Variants in EPS15 observed in about 807,000 individuals in gnomAD.
The protein encoded by EPS15 is epidermal growth factor receptor pathway substrate 15, also known as epidermal growth factor receptor substrate 15.
In EPS15, 72 loss-of-function variants were observed where a neutral mutation model predicts 113.8. That is an observed-to-expected ratio of 0.63 (90% CI 0.52 to 0.77). The LOEUF (loss-of-function observed/expected upper bound fraction) is 0.77, where lower values mean the gene tolerates loss of function less well. Among genes scored for constraint, EPS15 ranks in the 30% least tolerant of loss-of-function variants. EPS15 has a pLI of 0.00. For missense variants in EPS15, 1,048 were observed against 1,045.8 expected (o/e 1.00, Z -0.03); for synonymous variants, 344 against 363.4 (o/e 0.95, Z 0.61).
intron 12 of EPS15, chr1:51,423,602 T>C (rs1650965098): frequency 1.0e-6 from 1 of 985,162 alleles, no homozygotes; most frequent in South Asian, 4.7e-5. Flanking sequence ...AAGTAGATAA[T>C]AACAAAAATA....
chr1:51,418,596 A>G (rs1338173817), intron 13 of EPS15, among the ~76,000 whole-genome samples: 1 of 152,110 alleles, frequency 6.6e-6, no homozygotes, highest in Non-Finnish European at 1.5e-5. Context: ...TTTCAAATTG[A>G]AGAGTCCTAT....
chr1:51,472,828 T>G, intron 3 of EPS15, 31 bp downstream of exon 3: 1 of 1,503,298 alleles, frequency 6.7e-7, no homozygotes, highest in Non-Finnish European at 9.3e-7. Context: ...CCTTACAAAC[T>G]TATAATCTAG....
chr1:51,392,550 T>C (rs962670420), intron 21 of EPS15, among the ~76,000 whole-genome samples: 1 of 152,248 alleles, frequency 6.6e-6, no homozygotes, highest in African/African-American at 2.4e-5. Context: ...CACTTCAGCC[T>C]TGACTATTCC....
intron 16 of EPS15, 146 bp downstream of exon 16, chr1:51,405,759 G>T: frequency 1.6e-6 from 1 of 634,000 alleles, no homozygotes; most frequent in Non-Finnish European, 2.7e-6. Flanking sequence ...ACAATTGTTT[G>T]GATTAGGACT....
rs552900791 is a variant in EPS15 at position 51,498,191 on chromosome 1, AG to A, written c.34-16878del. 2.0e-4 allele frequency among the ~76,000 whole-genome samples: 31 copies of A among 152,292 alleles called. No individual in the cohort carries two copies. In the East Asian group the frequency reaches 5.8e-3, roughly 28 times the overall value. Reference sequence around the variant, plus strand: ...TAAATTCACTTATCCAACTCATAAAAGGTACAATGGAACAAAGAGACCTAAA... The same window carrying A: ...TAAATTCACTTATCCAACTCATAAAAGTACAATGGAACAAAGAGACCTAAA... On this transcript the variant is annotated intron_variant, in intron 1 of 24. Coordinates refer to ENST00000371733, the MANE Select transcript of EPS15 (RefSeq NM_001981.3).
In EPS15 at chr1:51,361,211, T is replaced by C. The variant is rs552579354; in HGVS notation, c.2504A>G (p.Asn835Ser). Residue 835 changes from asparagine (N) to serine (S), a missense_variant, in exon 24 of 25, where the codon AAT becomes AGT. Transcript: ENST00000371733. ...AAAATTGCTTGGATCAGCCTCTTTA[T>C]TGGTAGTGGTAGTAGCAGAAGTGAA... The part of the protein sequence containing the change: ...DPFTSATTTT[N>S]KEADPSNFAN... 2.1e-5 allele frequency: 34 copies of C among 1,614,092 alleles called. No individual in the cohort carries two copies. The East Asian group carries it at 4.0e-4, about 19-fold the overall frequency.
intron 12 of EPS15, among the ~76,000 whole-genome samples, chr1:51,431,869 C>A (rs1483331201): frequency 6.6e-6 from 1 of 152,060 alleles, no homozygotes; most frequent in Non-Finnish European, 1.5e-5. Flanking sequence ...TTCTGAATTA[C>A]AAAATAGGGA....
At chr1:51,382,678 C>T (rs939936525) in intron 21 of EPS15, among the ~76,000 whole-genome samples, 2 of 152,166 alleles carry the variant, frequency 1.3e-5, no homozygotes, top group African/African-American at 4.8e-5. Flanking sequence ...CTCAGCCTCC[C>T]AAAGTGCTGG....
At chr1:51,380,057 GAAAA>G (rs149612289) in intron 21 of EPS15, among the ~76,000 whole-genome samples, 1 of 130,644 alleles carries the variant, frequency 7.7e-6, no homozygotes, top group Non-Finnish European at 1.6e-5. Context: ...CTGCTTCCAG[GAAAA>G]AAAAAAAAAA....
At chr1:51,476,031 T>C (rs902856727) in intron 2 of EPS15, among the ~76,000 whole-genome samples, 1 of 152,176 alleles carries the variant, frequency 6.6e-6, no homozygotes, top group Non-Finnish European at 1.5e-5. Flanking sequence ...CTCTGTTCCA[T>C]TGGTCTATAT....
chr1:51,493,501 G>A (rs942969010), intron 1 of EPS15, among the ~76,000 whole-genome samples: 8 of 148,786 alleles, frequency 5.4e-5, no homozygotes, highest in African/African-American at 1.5e-4. Context: ...CTCCAGCCTG[G>A]GCGACAGAGC....
At chr1:51,467,384 C>G (rs1323466113) in intron 5 of EPS15, among the ~76,000 whole-genome samples, 1 of 152,178 alleles carries the variant, frequency 6.6e-6, no homozygotes, top group African/African-American at 2.4e-5. Flanking sequence ...GTTTATTATT[C>G]ATTGCAGCAT....
chr1:51,392,642 C>A (rs966614365), intron 21 of EPS15, among the ~76,000 whole-genome samples: 21 of 152,186 alleles, frequency 1.4e-4, no homozygotes, highest in African/African-American at 5.1e-4. Context: ...GTTCTGCCTC[C>A]ATTCCTTGTT....
intron 10 of EPS15, 70 bp from the exon 11 acceptor site, chr1:51,445,115 C>G (rs1342428813): frequency 2.2e-6 from 3 of 1,387,274 alleles, no homozygotes; most frequent in Non-Finnish European, 2.0e-6. Flanking sequence ...AAAAGTACCA[C>G]TATGCAGCTT....
intron 13 of EPS15, among the ~76,000 whole-genome samples, chr1:51,413,279 TCTA>T (rs1649908781): frequency 6.6e-6 from 1 of 152,194 alleles, no homozygotes; most frequent in Non-Finnish European, 1.5e-5. Flanking sequence ...ATGCTCAAAC[TCTA>T]CTGTTTGTTC....
chr1:51,515,674 C>G (rs1482010278), intron 1 of EPS15, among the ~76,000 whole-genome samples: 1 of 152,186 alleles, frequency 6.6e-6, no homozygotes, highest in African/African-American at 2.4e-5. Context: ...GAGGCAAAAA[C>G]CATGGCTTAT....
intron 4 of EPS15, among the ~76,000 whole-genome samples, chr1:51,470,834 A>C (rs1353245401): frequency 6.6e-6 from 1 of 152,056 alleles, no homozygotes; most frequent in Non-Finnish European, 1.5e-5. Context: ...TATCATGTTA[A>C]CCTCTGTATT....
chr1:51,380,893 A>C (rs1244120317), intron 21 of EPS15, among the ~76,000 whole-genome samples: 1 of 152,248 alleles, frequency 6.6e-6, no homozygotes, highest in African/African-American at 2.4e-5. Context: ...GAGATATCTT[A>C]ATATCAGAAA....
chr1:51,458,393 C>T, intron 8 of EPS15: 1 of 229,922 alleles, frequency 4.3e-6, no homozygotes, highest in South Asian at 3.8e-5. Flanking sequence ...TTAGCATGCA[C>T]TACTGTTTAT....
Sources: gnomAD v4.1 joint callset for allele counts (sites outside exome capture counted in the v4.1 genomes callset) on GRCh38, gnomAD v4.1.1 for gene constraint, MANE v1.5 for transcripts, NCBI Gene and HGNC (gene_info 2026-07-23, HGNC 2026-07-21) for gene names.